SLC14A2: variants seen among roughly 807,000 people sequenced by gnomAD.
SLC14A2 encodes urea transporter 2.
A neutral mutation model predicts 104.6 loss-of-function variants in SLC14A2; 91 were observed. The ratio of observed to expected loss-of-function variants is 0.87; its 90% confidence interval spans 0.73 to 1.04. The LOEUF (loss-of-function observed/expected upper bound fraction) is 1.04, where lower values mean the gene tolerates loss of function less well. Ranked by LOEUF, SLC14A2 falls within the 50% of genes least tolerant of loss-of-function variation. The pLI is 0.00. For synonymous variants in SLC14A2, 476 were observed against 466.4 expected, an observed-to-expected ratio of 1.02 and a Z score of -0.27; for missense variants, 1,189 against 1,156.0, an observed-to-expected ratio of 1.03 and a Z score of -0.41.
At chr18:45,679,899 G>A (rs1203070011) in intron 19 of SLC14A2, among the ~76,000 whole-genome samples, 1 of 152,124 alleles carries the variant, frequency 6.6e-6, no homozygotes, top group Non-Finnish European at 1.5e-5. Flanking sequence ...GTACAGTTTT[G>A]TGATGAGTCT....
intron 1 of SLC14A2, among the ~76,000 whole-genome samples, chr18:45,358,553 G>A (rs1411524665): frequency 6.6e-6 from 1 of 152,044 alleles, no homozygotes; most frequent in African/African-American, 2.4e-5. Flanking sequence ...CATAAAACTC[G>A]ACTTACTTCA....
At chr18:45,309,035 C>A (rs760779868) in intron 1 of SLC14A2, among the ~76,000 whole-genome samples, 3 of 152,172 alleles carry the variant, frequency 2.0e-5, no homozygotes, top group Non-Finnish European at 4.4e-5. Flanking sequence ...TACAGAATAT[C>A]TGACAGGTAG....
chr18:45,666,268 G>A lies in SLC14A2; in HGVS notation c.1557+49G>A, dbSNP rs112992372. On this transcript the variant is annotated intron_variant, in intron 12 of 19. Transcript: ENST00000255226. ...AGGGACAGCGCCCTACAGTCACAGA[G>A]CCCACAGCAGATGAGGGAGCTGAGA... 1.6e-5 allele frequency: 20 copies of A among 1,280,732 alleles called. 1 individual carries two copies. Among genetic ancestry groups the A allele is most frequent in the African/African-American group, 1.0e-4 (7 of 68,818 alleles). 79.3% of individuals were successfully genotyped at this position (1,280,732 alleles called of 1,614,324 possible).
intron 10 of SLC14A2, among the ~76,000 whole-genome samples, chr18:45,660,988 G>T (rs2045927219): frequency 1.3e-5 from 2 of 152,206 alleles, no homozygotes; most frequent in Non-Finnish European, 2.9e-5. Context: ...TGCCCTCCCT[G>T]GGTGGTCTAT....
At chr18:45,505,424 G>A (rs1411344163) in intron 2 of SLC14A2, among the ~76,000 whole-genome samples, 1 of 152,194 alleles carries the variant, frequency 6.6e-6, no homozygotes, top group Non-Finnish European at 1.5e-5. Flanking sequence ...AAAGAGGGAA[G>A]ACGGAGTGGG....
chr18:45,257,680 A>C (rs944296462), intron 1 of SLC14A2, among the ~76,000 whole-genome samples: 4 of 152,058 alleles, frequency 2.6e-5, no homozygotes, highest in African/African-American at 9.7e-5. Flanking sequence ...CATTTCTCCA[A>C]CCTCATAGAG....
At chr18:45,634,518 TAAG>T (rs2045389373) in intron 5 of SLC14A2, among the ~76,000 whole-genome samples, 1 of 152,222 alleles carries the variant, frequency 6.6e-6, no homozygotes, top group Non-Finnish European at 1.5e-5. Flanking sequence ...GCCTAAATGA[TAAG>T]AAGGCATCTG....
chr18:45,197,377 A>G, the SLC14A2 span, among the ~76,000 whole-genome samples: 171 of 152,286 alleles, frequency 1.1e-3, no homozygotes, highest in African/African-American at 4.0e-3. Flanking sequence ...ATGAGGAAAA[A>G]GTGTGACCCA....
chr18:45,363,069 C>T (rs377715167), intron 1 of SLC14A2, among the ~76,000 whole-genome samples: 2 of 152,192 alleles, frequency 1.3e-5, no homozygotes, highest in Non-Finnish European at 2.9e-5. Context: ...AACGACCCCC[C>T]CAACCCTCGG....
chr18:45,593,853 T>C (rs2044687326), intron 2 of SLC14A2, among the ~76,000 whole-genome samples: 1 of 152,210 alleles, frequency 6.6e-6, no homozygotes, highest in African/African-American at 2.4e-5. Flanking sequence ...CTATTTGTAT[T>C]GATCTCTAGT....
chr18:45,632,140 TG>T (rs367957347), intron 4 of SLC14A2, among the ~76,000 whole-genome samples: 62,282 of 116,416 alleles, frequency 0.53, 12,943 homozygotes, highest in Middle Eastern at 0.58. Flanking sequence ...TGTGTGTGTG[TG>T]TGTTTGTGTG....
chr18:45,682,262 A>C (rs2046321076), intron 19 of SLC14A2, 57 bp from the exon 20 acceptor site: 1 of 1,516,448 alleles, frequency 6.6e-7, no homozygotes, highest in Admixed American at 1.7e-5. Context: ...ATAAGGGCTG[A>C]TTAAAATGCA....
At chr18:45,170,057 G>A in the SLC14A2 span, among the ~76,000 whole-genome samples, 4 of 152,220 alleles carry the variant, frequency 2.6e-5, no homozygotes, top group Admixed American at 2.0e-4. Context: ...GAAAGAGATG[G>A]TATGGTAGCT....
chr18:45,406,032 A>G (rs1316078316), intron 1 of SLC14A2, among the ~76,000 whole-genome samples: 2 of 152,176 alleles, frequency 1.3e-5, no homozygotes, highest in Non-Finnish European at 2.9e-5. Context: ...TTAAAATAAG[A>G]CAACAGTGAA....
intron 1 of SLC14A2, among the ~76,000 whole-genome samples, chr18:45,452,123 A>G (rs2086868034): frequency 6.6e-6 from 1 of 152,196 alleles, no homozygotes; most frequent in Admixed American, 6.5e-5. Flanking sequence ...ATGTGTGTGT[A>G]AGAGACACTC....
intron 1 of SLC14A2, among the ~76,000 whole-genome samples, chr18:45,413,112 G>A (rs937417964): frequency 3.3e-5 from 5 of 152,142 alleles, no homozygotes; most frequent in East Asian, 1.9e-4. Context: ...GGGTCCATCC[G>A]AAAGAAGCTT....
intron 1 of SLC14A2, among the ~76,000 whole-genome samples, chr18:45,340,811 G>A (rs1009647918): frequency 6.6e-6 from 1 of 152,220 alleles, no homozygotes; most frequent in South Asian, 2.1e-4. Flanking sequence ...TGGTTCCTGC[G>A]ATGGCCCTTT....
At chr18:45,586,672 C>T (rs1000924364) in intron 2 of SLC14A2, among the ~76,000 whole-genome samples, 2 of 152,126 alleles carry the variant, frequency 1.3e-5, no homozygotes, top group East Asian at 1.9e-4. Context: ...GCTTGTCCAC[C>T]TTTTGAGTCC....
At chr18:45,199,910 G>T in the SLC14A2 span, among the ~76,000 whole-genome samples, 1 of 152,174 alleles carries the variant, frequency 6.6e-6, no homozygotes, top group African/African-American at 2.4e-5. Flanking sequence ...GGGCAGGCAA[G>T]AGGGGATGTT....
Sources: gnomAD v4.1 joint callset for allele counts (sites outside exome capture counted in the v4.1 genomes callset) on GRCh38, gnomAD v4.1.1 for gene constraint, MANE v1.5 for transcripts, NCBI Gene and HGNC (gene_info 2026-07-23, HGNC 2026-07-21) for gene names.